Variants in ITGBL1 observed in about 807,000 individuals in gnomAD.
The protein encoded by ITGBL1 is integrin subunit beta like 1.
ITGBL1 carries 51 observed loss-of-function variants against 68.5 expected under a neutral mutation model. The observed-to-expected ratio is 0.74, with a 90% CI of 0.59 to 0.94. ITGBL1 has a LOEUF of 0.94. ITGBL1 is among the 40% of genes least tolerant of loss of function. The pLI, the probability that ITGBL1 is intolerant of heterozygous loss-of-function variation, is 0.00. For missense variants in ITGBL1, 649 were observed against 647.4 expected (o/e 1.00, Z -0.03); for synonymous variants, 209 against 227.3 (o/e 0.92, Z 0.72).
chr13:101,655,672 A>G (rs2032898252), intron 7 of ITGBL1, among the ~76,000 whole-genome samples: 1 of 152,214 alleles, frequency 6.6e-6, no homozygotes, highest in South Asian at 2.1e-4. Context: ...CTTCCTGCCA[A>G]CATTCATTTG....
chr13:101,685,625 A>G (rs1282716996), intron 7 of ITGBL1, among the ~76,000 whole-genome samples: 4 of 152,104 alleles, frequency 2.6e-5, no homozygotes, highest in Admixed American at 6.6e-5. Context: ...AGATTATTAT[A>G]TATACCTGTT....
intron 2 of ITGBL1, among the ~76,000 whole-genome samples, chr13:101,522,305 A>T (rs1166877169): frequency 6.6e-6 from 1 of 152,058 alleles, no homozygotes; most frequent in African/African-American, 2.4e-5. Flanking sequence ...ACTAATAAAG[A>T]CCTTACAGAC....
intron 7 of ITGBL1, among the ~76,000 whole-genome samples, chr13:101,640,702 G>A (rs2032335470): frequency 6.6e-6 from 1 of 152,046 alleles, no homozygotes; most frequent in Non-Finnish European, 1.5e-5. Flanking sequence ...GTCAAGGTTT[G>A]GGGTAGGAAT....
intron 2 of ITGBL1, among the ~76,000 whole-genome samples, chr13:101,516,197 G>C (rs2049192425): frequency 6.6e-6 from 1 of 152,038 alleles, no homozygotes; most frequent in South Asian, 2.1e-4. Flanking sequence ...ATTATGTTTT[G>C]ATATGTGTTT....
chr13:101,595,744 G>T (rs1184168144), intron 6 of ITGBL1, among the ~76,000 whole-genome samples: 2 of 152,132 alleles, frequency 1.3e-5, no homozygotes, highest in African/African-American at 2.4e-5. Context: ...CATGTTGTTG[G>T]TGAGGATGTA....
intron 7 of ITGBL1, among the ~76,000 whole-genome samples, chr13:101,686,952 A>G (rs547452303): frequency 1.8e-4 from 28 of 152,332 alleles, no homozygotes; most frequent in African/African-American, 6.7e-4. Flanking sequence ...GCTTAAGGTT[A>G]GAATGAGATA....
intron 2 of ITGBL1, among the ~76,000 whole-genome samples, chr13:101,528,382 G>A (rs2049416454): frequency 6.6e-6 from 1 of 151,556 alleles, no homozygotes. Flanking sequence ...AAATGTTTGT[G>A]TACATTGTTG....
At position 101,570,886 on chromosome 13, in the gene ITGBL1, G is replaced by A. The variant is rs2050261062; in HGVS notation, c.463+3041G>A. On this transcript the variant is annotated intron_variant, in intron 3 of 10. Coordinates refer to ENST00000376180, the MANE Select transcript of ITGBL1 (RefSeq NM_004791.3). ...ATTTTTGCCTGTCAGGCAAGGTTAG[G>A]ATCATTTATGAGGCCTAACTGGCTT... Among the ~76,000 whole-genome samples, 2 of 152,110 alleles carry A rather than the reference G, an allele frequency of 1.3e-5. 1 individual carries two copies. The highest frequency in any genetic ancestry group is 4.1e-4 in the South Asian group (2 of 4,820).
chr13:101,706,149 C>T lies in ITGBL1; in HGVS notation c.1133-607C>T, dbSNP rs574132157. ...GATAAACATCTGAAAAACCAGGAAC[C>T]AATGTCAGGAACCAAACCAAAAAAA... On this transcript the variant is annotated intron_variant, in intron 8 of 10. Coordinates refer to ENST00000376180, the MANE Select transcript of ITGBL1 (RefSeq NM_004791.3). Among the ~76,000 whole-genome samples the T allele has an allele frequency of 1.3e-4, 20 of 152,132 alleles. No homozygotes were observed. In the South Asian group the frequency reaches 3.5e-3, roughly 27 times the overall value.
chr13:101,458,189 A>G (rs560006799), intron 2 of ITGBL1, among the ~76,000 whole-genome samples: 2 of 152,204 alleles, frequency 1.3e-5, no homozygotes, highest in African/African-American at 4.8e-5. Context: ...CATCTGTACA[A>G]ATTTTTATGA....
chr13:101,606,250 C>T (rs991595345), intron 7 of ITGBL1, among the ~76,000 whole-genome samples: 2 of 148,002 alleles, frequency 1.4e-5, no homozygotes, highest in Non-Finnish European at 3.0e-5. Flanking sequence ...TTTCTAATTT[C>T]TTATTTCTGC....
At chr13:101,495,490 A>G (rs2048844215) in intron 2 of ITGBL1, among the ~76,000 whole-genome samples, 1 of 151,928 alleles carries the variant, frequency 6.6e-6, no homozygotes, top group African/African-American at 2.4e-5. Flanking sequence ...TTGGCTTTCT[A>G]CTTCACTGAC....
At chr13:101,711,741 G>A (rs2034476237) in intron 9 of ITGBL1, 1 of 152,164 alleles carries the variant, frequency 6.6e-6, no homozygotes, top group East Asian at 1.9e-4. Context: ...AGACACATGA[G>A]AAAATGTGGC....
At chr13:101,453,048 C>T (rs1325517356) in intron 1 of ITGBL1, 117 bp downstream of exon 1, 1 of 771,840 alleles carries the variant, frequency 1.3e-6, no homozygotes, top group Non-Finnish European at 2.3e-6. Flanking sequence ...AAGGGATAAA[C>T]TGTTTTCAAC....
At chr13:101,698,824 C>T (rs1479213402) in intron 8 of ITGBL1, among the ~76,000 whole-genome samples, 2 of 152,152 alleles carry the variant, frequency 1.3e-5, no homozygotes, top group Admixed American at 6.6e-5. Context: ...AGAGACTTCC[C>T]TCCTGTGTGC....
intron 7 of ITGBL1, among the ~76,000 whole-genome samples, chr13:101,667,187 G>T (rs2033240950): frequency 6.6e-6 from 1 of 152,090 alleles, no homozygotes; most frequent in Admixed American, 6.5e-5. Context: ...CAAGAATAAT[G>T]TATGGCCATT....
chr13:101,707,905 C>A (rs553944587), intron 9 of ITGBL1, among the ~76,000 whole-genome samples: 3 of 150,878 alleles, frequency 2.0e-5, no homozygotes, highest in South Asian at 4.2e-4. Flanking sequence ...CAAAAGCCTG[C>A]CAAATGGTTA....
intron 9 of ITGBL1, among the ~76,000 whole-genome samples, chr13:101,708,635 G>C (rs2034316615): frequency 6.6e-6 from 1 of 152,198 alleles, no homozygotes; most frequent in South Asian, 2.1e-4. Context: ...CTATCAAGTT[G>C]AAAGAGACTT....
At chr13:101,696,339 C>A (rs1457912788) in intron 8 of ITGBL1, among the ~76,000 whole-genome samples, 1 of 152,126 alleles carries the variant, frequency 6.6e-6, no homozygotes, top group African/African-American at 2.4e-5. Context: ...ATATGAGGGG[C>A]AGGGTAGGAT....
Sources: allele counts gnomAD v4.1 joint callset (sites outside exome capture counted in the v4.1 genomes callset), GRCh38; gene constraint gnomAD v4.1.1; transcripts MANE v1.5; gene names NCBI Gene and HGNC (gene_info 2026-07-23, HGNC 2026-07-21).